The following PSME4 variants were observed in gnomAD, a reference collection of about 807,000 sequenced individuals.
PSME4 encodes the protein proteasome activator subunit 4.
Under a neutral mutation model 253.9 loss-of-function variants are expected in PSME4, and 89 were observed. That is an observed-to-expected ratio of 0.35 (90% CI 0.30 to 0.42). The LOEUF (loss-of-function observed/expected upper bound fraction) is 0.42. Ranked by LOEUF, PSME4 falls within the 10% of genes least tolerant of loss-of-function variation. The probability of loss-of-function intolerance (pLI) is 1.00; values close to 1 mark genes in which losing one functional copy is unlikely to be tolerated. For synonymous variants in PSME4, 851 were observed against 759.2 expected, an observed-to-expected ratio of 1.12 and a Z score of -1.99; for missense variants, 2,014 against 2,195.2, an observed-to-expected ratio of 0.92 and a Z score of 1.65.
At chr2:53,948,588 T>G in intron 2 of PSME4, 51 bp from the exon 3 acceptor site, 2 of 1,096,802 alleles carry the variant, frequency 1.8e-6, no homozygotes, top group Non-Finnish European at 2.8e-6. Context: ...TGCACAGATG[T>G]GTGTATACCA....
At chr2:53,887,177 A>G (rs1679679383) in intron 40 of PSME4, 82 bp downstream of exon 40, 4 of 1,268,080 alleles carry the variant, frequency 3.2e-6, no homozygotes, top group Admixed American at 2.0e-5. Context: ...TTTTACCACA[A>G]TAAAAAAAGT....
At chr2:53,953,790 C>A (rs578223078) in intron 1 of PSME4, among the ~76,000 whole-genome samples, 1 of 152,142 alleles carries the variant, frequency 6.6e-6, no homozygotes, top group South Asian at 2.1e-4. Context: ...GGTTTTAGGA[C>A]TAATGATTAC....
chr2:53,967,255 T>C (rs1215424513), intron 1 of PSME4, among the ~76,000 whole-genome samples: 2 of 152,162 alleles, frequency 1.3e-5, no homozygotes, highest in Non-Finnish European at 2.9e-5. Flanking sequence ...AAAGCCTCTA[T>C]CACATGGCCA....
At chr2:53,881,650 A>T (rs1177107051) in intron 41 of PSME4, 1 of 151,452 alleles carries the variant, frequency 6.6e-6, no homozygotes, top group Non-Finnish European at 1.5e-5. Context: ...CAGTGGCGAG[A>T]TCTGGCTTAC....
chr2:53,932,331 A>G (rs1668870227), intron 9 of PSME4, among the ~76,000 whole-genome samples: 1 of 152,160 alleles, frequency 6.6e-6, no homozygotes. Flanking sequence ...CTAGCACATA[A>G]TTTTCCATTA....
intron 3 of PSME4, among the ~76,000 whole-genome samples, chr2:53,943,441 T>G (rs961615513): frequency 6.6e-6 from 1 of 150,538 alleles, no homozygotes; most frequent in African/African-American, 2.4e-5. Flanking sequence ...CCATCTCATA[T>G]CTTATCTTCA....
At chr2:53,949,716 C>G (rs1268805615) in intron 1 of PSME4, among the ~76,000 whole-genome samples, 1 of 151,986 alleles carries the variant, frequency 6.6e-6, no homozygotes, top group African/African-American at 2.4e-5. Context: ...ATACTTGCTG[C>G]CAGGGGTTGC....
At chr2:53,940,977 A>ATATATATATATATATG (rs1669416568) in intron 3 of PSME4, among the ~76,000 whole-genome samples, 1 of 75,736 alleles carries the variant, frequency 1.3e-5, no homozygotes, top group Non-Finnish European at 3.1e-5. Flanking sequence ...ATATATATAT[A>ATATATATATATATATG]TATATATATA....
chr2:53,885,648 A>ATTT, intron 41 of PSME4, 42 bp downstream of exon 41: 1 of 1,396,902 alleles, frequency 7.2e-7, no homozygotes, highest in Non-Finnish European at 1.0e-6. Flanking sequence ...TTCCTTATGA[A>ATTT]GGTCAAAAGG....
chr2:53,924,624 CTTTTT>C (rs566648170), intron 14 of PSME4, among the ~76,000 whole-genome samples: 29 of 151,522 alleles, frequency 1.9e-4, no homozygotes, highest in Non-Finnish European at 3.8e-4. Context: ...ACAGTTGTTT[CTTTTT>C]TTTATTTATT....
Position 53,925,558 on chromosome 2 carries a change from C to T in PSME4, c.1790G>A (p.Cys597Tyr). The change falls in exon 14 of 47, where the codon TGT becomes TAT. Residue 597 changes from cysteine to tyrosine, a missense_variant. Cys to Tyr is a radical substitution (Grantham distance 194). Coordinates refer to ENST00000404125, the MANE Select transcript of PSME4 (RefSeq NM_014614.3). ...SSTFSTILTQCSKEIFMVALQ... is the reference protein window; with the variant it reads ...SSTFSTILTQYSKEIFMVALQ... ...TCTTACCATAAATATTTCTTTGGAA[C>T]ATTGGGTGAGGATTGTACTAAACGT... The T allele has an allele frequency of 6.4e-7, 1 of 1,557,002 alleles. No individual in the cohort carries two copies. The highest frequency in any genetic ancestry group is 8.8e-7 in the Non-Finnish European group (1 of 1,140,230).
intron 20 of PSME4, among the ~76,000 whole-genome samples, chr2:53,917,660 G>A (rs1350168157): frequency 1.3e-5 from 2 of 152,118 alleles, no homozygotes; most frequent in Non-Finnish European, 2.9e-5. Context: ...TCTAATTGTT[G>A]ACACCTTCAA....
intron 45 of PSME4, 108 bp from the exon 46 acceptor site, chr2:53,866,331 A>T: frequency 2.5e-6 from 3 of 1,217,250 alleles, no homozygotes; most frequent in Non-Finnish European, 3.4e-6. Flanking sequence ...GATCTCACAC[A>T]ATACCAAGTT....
rs976267170 is a variant in PSME4, at chr2:53,938,776, G to A, written c.545+1180C>T. On this transcript the variant is annotated intron_variant, in intron 4 of 46. Transcript: ENST00000404125. Reference sequence around the variant, plus strand: ...TTAAAATCATACTGCAATCTTCTATGTGAAAAATAAAATTATATTTCTAAG... The same window carrying A: ...TTAAAATCATACTGCAATCTTCTATATGAAAAATAAAATTATATTTCTAAG... Among the ~76,000 whole-genome samples the A allele has an allele frequency of 6.6e-5, 10 of 152,014 alleles. 1 individual carries two copies. The highest frequency in any genetic ancestry group is 1.5e-4 in the Non-Finnish European group (10 of 68,004).
intron 1 of PSME4, among the ~76,000 whole-genome samples, chr2:53,956,437 G>A (rs1175733082): frequency 1.3e-5 from 2 of 151,738 alleles, no homozygotes; most frequent in Non-Finnish European, 2.9e-5. Context: ...GGCTGAGGCA[G>A]GAGAATCGCT....
At chr2:53,926,693 G>C (rs922057953) in intron 12 of PSME4, among the ~76,000 whole-genome samples, 7 of 150,854 alleles carry the variant, frequency 4.6e-5, no homozygotes, top group African/African-American at 7.3e-5. Flanking sequence ...AGTTCTGGGG[G>C]CTGGGTACAG....
intron 3 of PSME4, among the ~76,000 whole-genome samples, chr2:53,945,273 T>C (rs1669649141): frequency 6.6e-6 from 1 of 152,180 alleles, no homozygotes; most frequent in Admixed American, 6.5e-5. Flanking sequence ...TTTTATAAAA[T>C]AAAACCATGT....
chr2:53,965,434 G>A (rs772964490), intron 1 of PSME4, among the ~76,000 whole-genome samples: 1 of 152,032 alleles, frequency 6.6e-6, no homozygotes, highest in African/African-American at 2.4e-5. Context: ...GTTTCACCAT[G>A]TTGGCCAAGG....
chr2:53,928,352 A>G (rs753179911), intron 10 of PSME4, 49 bp from the exon 11 acceptor site: 42 of 1,347,390 alleles, frequency 3.1e-5, no homozygotes, highest in Non-Finnish European at 4.3e-5. Context: ...AGATATGCAT[A>G]ATACCATAAT....
Sources: gnomAD v4.1 joint callset for allele counts (sites outside exome capture counted in the v4.1 genomes callset) on GRCh38, gnomAD v4.1.1 for gene constraint, MANE v1.5 for transcripts, NCBI Gene and HGNC (gene_info 2026-07-23, HGNC 2026-07-21) for gene names.